GPC5: variants seen among roughly 807,000 people sequenced by gnomAD.
GPC5 encodes the protein glypican 5.
Under a neutral mutation model 53.9 loss-of-function variants are expected in GPC5, and 47 were observed. The observed-to-expected ratio is 0.87, with a 90% CI of 0.69 to 1.11. GPC5 has a LOEUF of 1.11. GPC5 is among the 50% of genes most tolerant of loss of function. The pLI, the probability that GPC5 is intolerant of heterozygous loss-of-function variation, is 0.00. For synonymous variants in GPC5, 286 were observed against 263.3 expected, an observed-to-expected ratio of 1.09 and a Z score of -0.84; for missense variants, 748 against 713.1, an observed-to-expected ratio of 1.05 and a Z score of -0.56.
intron 5 of GPC5, among the ~76,000 whole-genome samples, chr13:91,870,341 A>G (rs1359013558): frequency 6.6e-6 from 1 of 152,280 alleles, no homozygotes; most frequent in East Asian, 1.9e-4. Context: ...GCCTTGATTT[A>G]TCACTCCTGA....
At chr13:92,527,108 A>AAAAAGAAAG (rs1555287009) in intron 7 of GPC5, among the ~76,000 whole-genome samples, 14 of 39,024 alleles carry the variant, frequency 3.6e-4, no homozygotes, top group African/African-American at 1.1e-3. Flanking sequence ...AAAGAAAGAA[A>AAAAAGAAAG]AAAGAAAGAA....
rs74358408 is a variant in GPC5 at position 91,479,525 on chromosome 13, A to C, written c.325+30603A>C. ...AGGATCTGGTAACAAATACTAGAAA[A>C]ACAGATGGTTATTAAAGCTTAGAAA... On this transcript the variant is annotated intron_variant, in intron 2 of 7. Coordinates refer to ENST00000377067, the MANE Select transcript of GPC5 (RefSeq NM_004466.6). Among the ~76,000 whole-genome samples the C allele has an allele frequency of 8.5e-5, 13 of 152,284 alleles. No individual in the cohort carries two copies. The East Asian group carries it at 2.3e-3, about 27-fold the overall frequency.
intron 2 of GPC5, among the ~76,000 whole-genome samples, chr13:91,685,554 C>A (rs938078822): frequency 6.6e-6 from 1 of 152,062 alleles, no homozygotes; most frequent in Non-Finnish European, 1.5e-5. Flanking sequence ...CTCTTTTATC[C>A]CTCTGTAATA....
intron 7 of GPC5, among the ~76,000 whole-genome samples, chr13:92,548,487 A>G (rs1345767186): frequency 2.0e-5 from 3 of 151,854 alleles, no homozygotes; most frequent in African/African-American, 7.2e-5. Flanking sequence ...TATTTTAATA[A>G]TTGATAGCAA....
chr13:91,728,622 A>T lies in GPC5; in HGVS notation c.1111A>T (p.Thr371Ser), dbSNP rs373857106. ...GAGCAAAGAGAAGCATGGAATGAAG[A>T]CCACCACAAGGAACAGTGAAGAGAC... is the stretch of plus-strand genomic sequence containing the variant. The part of the protein sequence containing the change: ...DQSKEKHGMK[T>S]TTRNSEETLA... Residue 371 changes from threonine (T) to serine (S), a missense_variant, in exon 4 of 8, where the codon ACC becomes TCC. Transcript: ENST00000377067. The T allele has an allele frequency of 1.5e-5, 24 of 1,613,534 alleles. No homozygotes were observed. The African/African-American group carries it at 2.9e-4, about 20-fold the overall frequency.
chr13:92,791,349 C>A (rs898010218), intron 7 of GPC5, among the ~76,000 whole-genome samples: 1 of 148,222 alleles, frequency 6.7e-6, no homozygotes, highest in Non-Finnish European at 1.5e-5. Flanking sequence ...GACACACTCA[C>A]ATGCATACAT....
In GPC5 at chr13:92,404,881, A is replaced by T. The variant is rs573685899; in HGVS notation, c.1561+259892A>T. ...GTGGTACTTTACAAGTACATCAAGG[A>T]TAATATACTGTAAATGTATAGACAA... is the stretch of plus-strand genomic sequence containing the variant. On this transcript the variant is annotated intron_variant, in intron 7 of 7. Transcript: ENST00000377067. Among the ~76,000 whole-genome samples the T allele has an allele frequency of 8.6e-5, 13 of 150,380 alleles. 1 individual carries two copies. The highest frequency in any genetic ancestry group is 4.0e-4 in the Admixed American group (6 of 14,892).
intron 7 of GPC5, among the ~76,000 whole-genome samples, chr13:92,277,647 C>T (rs1239380387): frequency 2.0e-5 from 3 of 151,796 alleles, no homozygotes; most frequent in South Asian, 4.2e-4. Context: ...TGTTTTTTAT[C>T]GTTGCTGTTG....
At chr13:92,844,481 A>T (rs2138837086) in intron 7 of GPC5, among the ~76,000 whole-genome samples, 1 of 152,258 alleles carries the variant, frequency 6.6e-6, no homozygotes, top group African/African-American at 2.4e-5. Context: ...ACTTAAAAAT[A>T]AAATAGATTT....
chr13:92,693,890 C>T (rs1887483414), intron 7 of GPC5, among the ~76,000 whole-genome samples: 1 of 152,136 alleles, frequency 6.6e-6, no homozygotes, highest in African/African-American at 2.4e-5. Flanking sequence ...CACGACAGCC[C>T]CTTCCATCAC....
At chr13:91,755,119 T>C (rs2037261791) in intron 4 of GPC5, among the ~76,000 whole-genome samples, 1 of 152,034 alleles carries the variant, frequency 6.6e-6, no homozygotes, top group African/African-American at 2.4e-5. Flanking sequence ...AGATATCATC[T>C]CTAAAACAAA....
At chr13:91,958,948 A>G (rs757544544) in intron 6 of GPC5, among the ~76,000 whole-genome samples, 8 of 151,902 alleles carry the variant, frequency 5.3e-5, no homozygotes, top group Non-Finnish European at 1.0e-4. Context: ...CAAATAAATA[A>G]TCTAATAATG....
chr13:92,607,172 T>A (rs976583191), intron 7 of GPC5, among the ~76,000 whole-genome samples: 4 of 152,138 alleles, frequency 2.6e-5, no homozygotes, highest in African/African-American at 9.7e-5. Context: ...CTAATAAGAT[T>A]TGGTAAAAAG....
chr13:91,421,750 C>T (rs928752544), intron 1 of GPC5, among the ~76,000 whole-genome samples: 1 of 152,202 alleles, frequency 6.6e-6, no homozygotes, highest in Non-Finnish European at 1.5e-5. Context: ...TTTACTAACA[C>T]CTTTTGGCTC....
chr13:92,852,364 C>T (rs1353132080), intron 7 of GPC5, among the ~76,000 whole-genome samples: 2 of 151,988 alleles, frequency 1.3e-5, no homozygotes, highest in South Asian at 2.1e-4. Flanking sequence ...AGGGGAGAAG[C>T]GGTTTTAACT....
At position 92,135,187 on chromosome 13, in the gene GPC5, G is replaced by A. The variant is rs1351377112; in HGVS notation, c.1402-9643G>A. Among the ~76,000 whole-genome samples the A allele has an allele frequency of 2.3e-4, 35 of 152,002 alleles. 1 individual carries two copies. Among genetic ancestry groups the A allele is most frequent in the Admixed American group, 2.3e-3 (35 of 15,248 alleles). On this transcript the variant is annotated intron_variant, in intron 6 of 7. Coordinates refer to ENST00000377067, the MANE Select transcript of GPC5 (RefSeq NM_004466.6). ...CATGGATGTTTTGATAGAAAGCTCT[G>A]ACATTAACTCTGGAGTTGTTTTGCA...
At chr13:92,826,761 A>T (rs907039468) in intron 7 of GPC5, among the ~76,000 whole-genome samples, 2 of 152,080 alleles carry the variant, frequency 1.3e-5, no homozygotes. Context: ...TCTCATTAAT[A>T]TATTGTATTT....
chr13:92,582,041 A>G (rs1359193432), intron 7 of GPC5, among the ~76,000 whole-genome samples: 1 of 152,126 alleles, frequency 6.6e-6, no homozygotes, highest in Non-Finnish European at 1.5e-5. Context: ...GCTATGCAGA[A>G]GCTTTTTAGT....
At chr13:92,246,620 G>C (rs565638969) in intron 7 of GPC5, among the ~76,000 whole-genome samples, 6 of 152,188 alleles carry the variant, frequency 3.9e-5, no homozygotes, top group Non-Finnish European at 8.8e-5. Flanking sequence ...CTAATACTTA[G>C]CTGAGGTTGC....
Sources: allele counts gnomAD v4.1 joint callset (sites outside exome capture counted in the v4.1 genomes callset), GRCh38; gene constraint gnomAD v4.1.1; transcripts MANE v1.5; gene names NCBI Gene and HGNC (gene_info 2026-07-23, HGNC 2026-07-21).